The following PRKCA variants were observed in gnomAD, a reference collection of about 807,000 sequenced individuals.
PRKCA encodes protein kinase C alpha.
A neutral mutation model predicts 87.0 loss-of-function variants in PRKCA; 27 were observed. That is an observed-to-expected ratio of 0.31 (90% confidence interval 0.23 to 0.43). The LOEUF is 0.43. Among genes scored for constraint, PRKCA ranks in the 20% least tolerant of loss-of-function variants. The pLI, the probability that PRKCA is intolerant of heterozygous loss-of-function variation, is 1.00. For missense variants in PRKCA, 518 were observed against 852.3 expected, an observed-to-expected ratio of 0.61 and a Z score of 4.88; for synonymous variants, 329 against 311.1, an observed-to-expected ratio of 1.06 and a Z score of -0.61.
rs753531016 is a variant in PRKCA, at chr17:66,804,051, G to A, written c.*14G>A. 1.3e-6 allele frequency: 2 copies of A among 1,593,154 alleles called. No homozygotes were observed. The highest frequency in any genetic ancestry group is 2.7e-5 in the African/African-American group (2 of 74,526). ...AGTGCAGTATGAAACTCACCAGCGAGAACAAACACCTCCCCAGCCCCCAGC... is the reference window on the plus strand; with the variant it reads ...AGTGCAGTATGAAACTCACCAGCGAAAACAAACACCTCCCCAGCCCCCAGC... On this transcript the variant is annotated 3_prime_UTR_variant, in exon 17 of 17. Coordinates refer to ENST00000413366, the MANE Select transcript of PRKCA (RefSeq NM_002737.3).
chr17:66,325,760 A>G (rs1449614123), intron 2 of PRKCA, among the ~76,000 whole-genome samples: 2 of 152,074 alleles, frequency 1.3e-5, no homozygotes, highest in Non-Finnish European at 2.9e-5. Flanking sequence ...TGAGCTACCT[A>G]GAGAGCCCTA....
chr17:66,305,991 C>T (rs1429638178), intron 1 of PRKCA, 105 bp from the exon 2 acceptor site: 1 of 1,013,458 alleles, frequency 9.9e-7, no homozygotes, highest in Non-Finnish European at 1.5e-6. Context: ...TTGGGTTTCA[C>T]ATACAAACCT....
intron 13 of PRKCA, among the ~76,000 whole-genome samples, chr17:66,771,859 T>C (rs1337425822): frequency 6.6e-6 from 1 of 152,194 alleles, no homozygotes; most frequent in African/African-American, 2.4e-5. Context: ...CCTCCCAAAG[T>C]GCTGGGATTA....
intron 3 of PRKCA, among the ~76,000 whole-genome samples, chr17:66,509,166 G>T (rs1273258846): frequency 7.6e-6 from 1 of 131,482 alleles, no homozygotes; most frequent in Non-Finnish European, 1.6e-5. Flanking sequence ...AAAGGAACGT[G>T]TGTGTGTGTG....
At chr17:66,610,717 G>A (rs1413979876) in intron 3 of PRKCA, among the ~76,000 whole-genome samples, 1 of 152,168 alleles carries the variant, frequency 6.6e-6, no homozygotes, top group African/African-American at 2.4e-5. Flanking sequence ...ACAAGGGAAG[G>A]AAGGGGTTTT....
chr17:66,783,225 A>T (rs1400532842), intron 14 of PRKCA, among the ~76,000 whole-genome samples: 2 of 152,212 alleles, frequency 1.3e-5, no homozygotes, highest in Non-Finnish European at 2.9e-5. Flanking sequence ...GGCAAGCCTA[A>T]GAGGCCTCTG....
intron 3 of PRKCA, among the ~76,000 whole-genome samples, chr17:66,584,198 T>A (rs781674221): frequency 6.6e-6 from 1 of 152,104 alleles, no homozygotes; most frequent in Non-Finnish European, 1.5e-5. Context: ...TTTTATTGTT[T>A]TGGTTTTTGT....
chr17:66,461,605 G>A (rs1274618277), intron 2 of PRKCA, among the ~76,000 whole-genome samples: 3 of 152,184 alleles, frequency 2.0e-5, no homozygotes, highest in Admixed American at 2.0e-4. Flanking sequence ...CAGAGAGCTC[G>A]CGTGCTAGGT....
intron 3 of PRKCA, among the ~76,000 whole-genome samples, chr17:66,634,245 A>G (rs900835284): frequency 6.6e-6 from 1 of 152,222 alleles, no homozygotes; most frequent in Admixed American, 6.5e-5. Context: ...TTTGTAGGTT[A>G]GACTTTATTC....
At chr17:66,444,153 C>T (rs543719728) in intron 2 of PRKCA, among the ~76,000 whole-genome samples, 5 of 152,258 alleles carry the variant, frequency 3.3e-5, no homozygotes, top group Non-Finnish European at 5.9e-5. Flanking sequence ...GATTCAAAGG[C>T]GCGAGATGTC....
At chr17:66,638,740 CGGGGGGCT>C (rs1432775795) in intron 3 of PRKCA, among the ~76,000 whole-genome samples, 1 of 151,666 alleles carries the variant, frequency 6.6e-6, no homozygotes, top group Non-Finnish European at 1.5e-5. Flanking sequence ...CCCAGCTACT[CGGGGGGCT>C]GAGGCAGGAG....
At position 66,424,568 on chromosome 17, in the gene PRKCA, A is replaced by AACACACACACACACACACACACACAC. The variant is rs141074503; in HGVS notation, c.206-71627_206-71602dup. Among the ~76,000 whole-genome samples the AACACACACACACACACACACACACAC allele has an allele frequency of 9.3e-3, 1,320 of 141,996 alleles. 21 individuals carry two copies. The highest frequency in any genetic ancestry group is 0.017 in the African/African-American group (630 of 37,562). 93.2% of individuals were successfully genotyped at this position (141,996 alleles called of 152,430 possible). A position where few individuals can be genotyped will look rare whatever the true frequency, so the allele number is the denominator to read the frequency against. ...GGCAGCAGAGCACGACCCTGTCTCA[A>AACACACACACACACACACACACACAC]ACACACACACACACACACACACACA... is the stretch of plus-strand genomic sequence containing the variant. On this transcript the variant is annotated intron_variant, in intron 2 of 16. Coordinates refer to ENST00000413366, the MANE Select transcript of PRKCA (RefSeq NM_002737.3).
intron 2 of PRKCA, among the ~76,000 whole-genome samples, chr17:66,314,277 A>G (rs1905199058): frequency 6.6e-6 from 1 of 152,250 alleles, no homozygotes; most frequent in African/African-American, 2.4e-5. Context: ...TTTCCACGGC[A>G]GACCCTTTAT....
At chr17:66,731,468 G>A (rs1241119966) in intron 8 of PRKCA, among the ~76,000 whole-genome samples, 2 of 152,002 alleles carry the variant, frequency 1.3e-5, no homozygotes, top group Admixed American at 6.6e-5. Context: ...AGCAGCTGAC[G>A]CTTCTTACAA....
chr17:66,747,928 G>A (rs892544130), intron 13 of PRKCA, among the ~76,000 whole-genome samples: 9 of 152,360 alleles, frequency 5.9e-5, no homozygotes, highest in South Asian at 2.1e-4. Flanking sequence ...GGGGGGTGCC[G>A]GGCCAGAAAG....
chr17:66,358,238 T>C (rs1908181117), intron 2 of PRKCA, among the ~76,000 whole-genome samples: 1 of 152,096 alleles, frequency 6.6e-6, no homozygotes, highest in African/African-American at 2.4e-5. Flanking sequence ...ACAAGATTCT[T>C]ACCTTCTTTG....
intron 2 of PRKCA, among the ~76,000 whole-genome samples, chr17:66,478,512 C>T (rs1244638050): frequency 1.3e-5 from 2 of 152,124 alleles, no homozygotes; most frequent in African/African-American, 4.8e-5. Context: ...CCTTGGCCTT[C>T]TGAAGTGTTG....
chr17:66,435,982 T>C (rs981235399), intron 2 of PRKCA, among the ~76,000 whole-genome samples: 1 of 152,154 alleles, frequency 6.6e-6, no homozygotes, highest in Non-Finnish European at 1.5e-5. Context: ...TTTGTCATCA[T>C]GGGCAAGAGG....
At chr17:66,544,723 G>A (rs1170857858) in intron 3 of PRKCA, among the ~76,000 whole-genome samples, 1 of 152,088 alleles carries the variant, frequency 6.6e-6, no homozygotes, top group African/African-American at 2.4e-5. Context: ...CTCCCAAGTA[G>A]CTGGGATTAC....
Sources: allele counts gnomAD v4.1 joint callset (sites outside exome capture counted in the v4.1 genomes callset), GRCh38; gene constraint gnomAD v4.1.1; transcripts MANE v1.5; gene names NCBI Gene and HGNC (gene_info 2026-07-23, HGNC 2026-07-21).